CDKL5: variants seen among roughly 807,000 people sequenced by gnomAD.
CDKL5 encodes cyclin dependent kinase like 5.
CDKL5 carries 8 observed loss-of-function variants against 61.7 expected under a neutral mutation model. That is an observed-to-expected ratio of 0.13 (90% CI 0.08 to 0.23). CDKL5 has a LOEUF of 0.23. Among genes scored for constraint, CDKL5 ranks in the 10% least tolerant of loss-of-function variants. The probability of loss-of-function intolerance (pLI) is 1.00; values close to 1 mark genes in which losing one functional copy is unlikely to be tolerated. For synonymous variants in CDKL5, 275 were observed against 272.3 expected, an observed-to-expected ratio of 1.01 and a Z score of -0.10; for missense variants, 440 against 734.5, an observed-to-expected ratio of 0.60 and a Z score of 4.63.
chrX:18,475,661 C>CT (rs1797991106), intron 1 of CDKL5, among the ~76,000 whole-genome samples: 1 of 112,237 alleles, frequency 8.9e-6, no homozygotes, highest in African/African-American at 3.2e-5. Flanking sequence ...CATCTCTACT[C>CT]TTTTTCCTGT....
At chrX:18,431,378 T>G (rs1407346002) in intron 1 of CDKL5, among the ~76,000 whole-genome samples, 1 of 111,575 alleles carries the variant, frequency 9.0e-6, no homozygotes, top group African/African-American at 3.3e-5. Context: ...AGGACCATAT[T>G]TCTACACAGG....
rs1927198642 is a variant in CDKL5 at position 18,630,290 on chromosome X, G to C, written c.*1533G>C. ...TATCATCAAACCCTTTGGCCATCAA[G>C]TGTTATCCTCCCATGCCTCTGGGTC... is the stretch of plus-strand genomic sequence containing the variant. On this transcript the variant is annotated 3_prime_UTR_variant, in exon 18 of 18. Transcript: ENST00000623535. The C allele has an allele frequency of 2.3e-5, 17 of 751,085 alleles. No homozygotes were observed. Among genetic ancestry groups the C allele is most frequent in the Non-Finnish European group, 2.7e-5 (17 of 638,532 alleles). 61.9% of individuals were successfully genotyped at this position (751,085 alleles called of 1,213,427 possible).
chrX:18,492,266 G>T (rs993711094), intron 1 of CDKL5, among the ~76,000 whole-genome samples: 1 of 110,969 alleles, frequency 9.0e-6, no homozygotes, highest in Non-Finnish European at 1.9e-5. Context: ...AGCCATTTGT[G>T]TTTCTTTTTC....
chrX:18,651,094 C>T (rs1452865474), intron 21 of CDKL5, among the ~76,000 whole-genome samples: 3 of 109,637 alleles, frequency 2.7e-5, no homozygotes, highest in Admixed American at 9.8e-5. Flanking sequence ...CTATCCTACT[C>T]TGTTCTGTCC....
intron 1 of CDKL5, among the ~76,000 whole-genome samples, chrX:18,433,447 G>T (rs754190551): frequency 9.0e-6 from 1 of 111,371 alleles, no homozygotes; most frequent in East Asian, 2.8e-4. Flanking sequence ...CTACTCGGGA[G>T]CCTGAGGCAG....
At chrX:18,558,552 G>A (rs763339037) in intron 3 of CDKL5, among the ~76,000 whole-genome samples, 3 of 111,673 alleles carry the variant, frequency 2.7e-5, no homozygotes, top group South Asian at 3.7e-4. Context: ...ACTAAACATC[G>A]AAGATTGCTA....
At chrX:18,515,114 T>C (rs1272728925) in intron 3 of CDKL5, among the ~76,000 whole-genome samples, 1 of 112,551 alleles carries the variant, frequency 8.9e-6, no homozygotes, top group African/African-American at 3.2e-5. Flanking sequence ...GTGTCTGTTT[T>C]AAAGTGCCTG....
intron 1 of CDKL5, among the ~76,000 whole-genome samples, chrX:18,484,219 G>T (rs776039222): frequency 4.4e-5 from 5 of 112,460 alleles, no homozygotes; most frequent in Non-Finnish European, 9.4e-5. Context: ...AGAAGCGCAA[G>T]TAACTAACTA....
intron 1 of CDKL5, among the ~76,000 whole-genome samples, chrX:18,427,891 T>C (rs1008195591): frequency 3.6e-5 from 4 of 111,327 alleles, no homozygotes; most frequent in African/African-American, 1.3e-4. Flanking sequence ...TTTGTTTATA[T>C]TGTAATTTTC....
intron 14 of CDKL5, among the ~76,000 whole-genome samples, chrX:18,610,875 T>G (rs1006819238): frequency 2.7e-5 from 3 of 111,979 alleles, no homozygotes; most frequent in African/African-American, 9.7e-5. Flanking sequence ...CCTATGCCCA[T>G]GTTGCCTAAC....
chrX:18,468,611 T>TA (rs1920985667), intron 1 of CDKL5, among the ~76,000 whole-genome samples: 1 of 112,513 alleles, frequency 8.9e-6, no homozygotes, highest in Non-Finnish European at 1.9e-5. Flanking sequence ...TTTTTCTAGA[T>TA]ACGGTAATTT....
chrX:18,491,677 C>A (rs1369234530), intron 1 of CDKL5, among the ~76,000 whole-genome samples: 2 of 111,213 alleles, frequency 1.8e-5, no homozygotes, highest in Admixed American at 1.9e-4. Flanking sequence ...AACAGTAACT[C>A]CTTTTTTTCA....
intron 1 of CDKL5, among the ~76,000 whole-genome samples, chrX:18,473,681 T>C (rs1389632576): frequency 9.1e-6 from 1 of 109,937 alleles, no homozygotes; most frequent in Non-Finnish European, 1.9e-5. Context: ...ACCTGGACTT[T>C]TACATGAAAG....
chrX:18,545,436 G>A (rs1924157318), intron 3 of CDKL5, among the ~76,000 whole-genome samples: 1 of 111,512 alleles, frequency 9.0e-6, no homozygotes, highest in African/African-American at 3.3e-5. Flanking sequence ...TAACTAGAAG[G>A]ATGTGACTCA....
intron 3 of CDKL5, among the ~76,000 whole-genome samples, chrX:18,554,407 T>A (rs1298808832): frequency 8.3e-5 from 9 of 108,537 alleles, no homozygotes; most frequent in Admixed American, 7.9e-4. Context: ...TTGGTATATT[T>A]CACTGTCTTT....
intron 21 of CDKL5, among the ~76,000 whole-genome samples, chrX:18,652,786 C>T (rs1928107885): frequency 1.8e-5 from 2 of 112,706 alleles, no homozygotes; most frequent in South Asian, 7.3e-4. Context: ...ACTCATTTCA[C>T]CCTTAGGGAA....
chrX:18,510,718 C>G, intron 2 of CDKL5, 102 bp from the exon 3 acceptor site: 1 of 647,643 alleles, frequency 1.5e-6, no homozygotes, highest in Non-Finnish European at 2.5e-6. Flanking sequence ...AGAATCTTGT[C>G]ACTTTAGTAG....
chrX:18,480,230 A>G (rs1165988143), intron 1 of CDKL5, among the ~76,000 whole-genome samples: 2 of 111,254 alleles, frequency 1.8e-5, no homozygotes, highest in Non-Finnish European at 3.8e-5. Context: ...TGTGTTTTTG[A>G]TGAACAGTTT....
intron 1 of CDKL5, among the ~76,000 whole-genome samples, chrX:18,501,400 C>T (rs1922377717): frequency 9.1e-6 from 1 of 110,327 alleles, no homozygotes; most frequent in African/African-American, 3.3e-5. Context: ...TCTCGAGCTC[C>T]TGACCTCAGG....
Sources: gnomAD v4.1 joint callset for allele counts (sites outside exome capture counted in the v4.1 genomes callset) on GRCh38, gnomAD v4.1.1 for gene constraint, MANE v1.5 for transcripts, NCBI Gene and HGNC (gene_info 2026-07-23, HGNC 2026-07-21) for gene names.